The following DHX15 variants were observed in gnomAD, a reference collection of about 807,000 sequenced individuals.
DHX15 encodes the protein ATP-dependent RNA helicase DHX15.
DHX15 carries 11 observed loss-of-function variants against 94.4 expected under a neutral mutation model. The observed-to-expected ratio is 0.12, with a 90% CI of 0.07 to 0.19. The LOEUF (loss-of-function observed/expected upper bound fraction) is 0.19, where lower values mean the gene tolerates loss of function less well. DHX15 is among the 10% of genes least tolerant of loss of function. DHX15 has a pLI of 1.00. For synonymous variants in DHX15, 338 were observed against 329.9 expected (o/e 1.02, Z -0.27); for missense variants, 304 against 988.5 (o/e 0.31, Z 9.29).
At chr4:24,558,080 C>T (rs994680348) in intron 3 of DHX15, among the ~76,000 whole-genome samples, 43 of 151,886 alleles carry the variant, frequency 2.8e-4, no homozygotes, top group Admixed American at 2.0e-3. Flanking sequence ...ATACTCAGTG[C>T]TCATTTCAAC....
chr4:24,561,528 T>C (rs1490758806), intron 3 of DHX15, among the ~76,000 whole-genome samples: 1 of 152,098 alleles, frequency 6.6e-6, no homozygotes, highest in Non-Finnish European at 1.5e-5. Context: ...CTATCCACAA[T>C]AGCAAAGACA....
At chr4:24,546,199 C>G (rs1721421114) in intron 6 of DHX15, among the ~76,000 whole-genome samples, 1 of 152,202 alleles carries the variant, frequency 6.6e-6, no homozygotes, top group South Asian at 2.1e-4. Flanking sequence ...AACATCCCAG[C>G]AGCACCACAG....
intron 11 of DHX15, chr4:24,533,559 G>A (rs770778976): frequency 6.4e-6 from 1 of 157,122 alleles, no homozygotes. Context: ...AGCAAGTCCT[G>A]AAACAGAAGA....
At chr4:24,529,571 A>G in intron 13 of DHX15, 30 bp downstream of exon 13, 2 of 1,606,040 alleles carry the variant, frequency 1.2e-6, no homozygotes, top group African/African-American at 2.7e-5. Flanking sequence ...AGTACTAACA[A>G]AAAACTGTTA....
intron 10 of DHX15, chr4:24,539,874 A>C (rs1056327681): frequency 3.8e-5 from 12 of 316,208 alleles, no homozygotes; most frequent in Admixed American, 2.0e-4. Context: ...AATTTTTATT[A>C]GCACTCAAGA....
At chr4:24,565,163 A>G (rs1721965732) in intron 3 of DHX15, among the ~76,000 whole-genome samples, 1 of 152,234 alleles carries the variant, frequency 6.6e-6, no homozygotes, top group Admixed American at 6.5e-5. Flanking sequence ...GTTCTACTTA[A>G]TATTTTTTAA....
intron 3 of DHX15, among the ~76,000 whole-genome samples, chr4:24,557,506 G>C (rs907741394): frequency 2.0e-5 from 3 of 152,072 alleles, no homozygotes; most frequent in Admixed American, 6.6e-5. Context: ...CAAATTGATA[G>C]TGTACAACAA....
At chr4:24,580,196 C>A (rs1722377913) in intron 1 of DHX15, among the ~76,000 whole-genome samples, 1 of 152,112 alleles carries the variant, frequency 6.6e-6, no homozygotes, top group Non-Finnish European at 1.5e-5. Context: ...TCACCAGAGG[C>A]CAAAAGTTTG....
chr4:24,584,263 C>T, intron 1 of DHX15, 60 bp downstream of exon 1: 5 of 1,539,806 alleles, frequency 3.2e-6, no homozygotes, highest in Non-Finnish European at 4.4e-6. Context: ...CCCCGGCCCG[C>T]TCCCTGCCAG....
chr4:24,566,049 T>C (rs1721985018), intron 3 of DHX15, among the ~76,000 whole-genome samples: 1 of 145,420 alleles, frequency 6.9e-6, no homozygotes, highest in Non-Finnish European at 1.5e-5. Flanking sequence ...ACCATTTTTT[T>C]TTTTTTTTAA....
At chr4:24,575,156 T>TAA (rs796325646) in intron 2 of DHX15, among the ~76,000 whole-genome samples, 1 of 130,550 alleles carries the variant, frequency 7.7e-6, no homozygotes, top group African/African-American at 2.8e-5. Context: ...ACACAAAAAT[T>TAA]AAAAAAAAAA....
At chr4:24,565,611 G>T (rs539832559) in intron 3 of DHX15, among the ~76,000 whole-genome samples, 1 of 152,174 alleles carries the variant, frequency 6.6e-6, no homozygotes, top group South Asian at 2.1e-4. Flanking sequence ...GACAAGTCAC[G>T]TCAAGGTTTA....
chr4:24,583,086 A>C (rs1356976325), intron 1 of DHX15, among the ~76,000 whole-genome samples: 1 of 152,202 alleles, frequency 6.6e-6, no homozygotes, highest in Non-Finnish European at 1.5e-5. Context: ...TAGCTGAAAA[A>C]TTCAAAACAG....
chr4:24,548,510 G>A (rs1361686230), intron 6 of DHX15, among the ~76,000 whole-genome samples: 1 of 152,144 alleles, frequency 6.6e-6, no homozygotes, highest in African/African-American at 2.4e-5. Context: ...CATTACATTT[G>A]GGAAGCCTTA....
At chr4:24,568,762 CT>C (rs1374145436) in intron 3 of DHX15, among the ~76,000 whole-genome samples, 2 of 152,184 alleles carry the variant, frequency 1.3e-5, no homozygotes. Flanking sequence ...AAATCTCCCC[CT>C]TATTATCCTC....
chr4:24,584,215 C>CA lies in DHX15; in HGVS notation c.71+107dup, dbSNP rs543045672. 4.7e-5 allele frequency: 56 copies of CA among 1,193,280 alleles called. No individual in the cohort carries two copies. The African/African-American group carries it at 4.8e-4, about 10-fold the overall frequency. 73.9% of individuals were successfully genotyped at this position (1,193,280 alleles called of 1,614,324 possible). A position where few individuals can be genotyped will look rare whatever the true frequency, so the allele number is the denominator to read the frequency against. The stretch of plus-strand genomic sequence containing the variant: ...CTAGTGAACCCAGCCCAGAGAGAAA[C>CA]AAAGGCTCGGGCTCCAGGACCCGCT... On this transcript the variant is annotated intron_variant, in intron 1 of 13. Transcript: ENST00000336812.
rs141752072 is a variant in DHX15, at chr4:24,570,683, T to C, written c.672A>G (p.Glu224=). The C allele has an allele frequency of 6.2e-4, 998 of 1,614,050 alleles. 1 individual carries two copies. Among genetic ancestry groups the C allele is most frequent in the Non-Finnish European group, 7.8e-4 (915 of 1,180,042 alleles). ...GAATGGTTTTTGCACTACTGCAGTC[T>C]TCAAATCGAATGGAGTAACCAACTT... ...GQEVGYSIRF[E]DCSSAKTILK... Residue 224 remains glutamate, a synonymous_variant, in exon 3 of 14, where the codon GAA becomes GAG. Coordinates refer to ENST00000336812, the MANE Select transcript of DHX15 (RefSeq NM_001358.3).
chr4:24,579,523 C>T (rs967623291), intron 1 of DHX15, among the ~76,000 whole-genome samples: 1 of 152,144 alleles, frequency 6.6e-6, no homozygotes, highest in African/African-American at 2.4e-5. Flanking sequence ...AGCCACACCA[C>T]GAGCAGGGAG....
chr4:24,528,114 C>T (rs937207614), intron 13 of DHX15, 73 bp from the exon 14 acceptor site: 2 of 991,960 alleles, frequency 2.0e-6, no homozygotes, highest in African/African-American at 1.6e-5. Flanking sequence ...ATAGGATAGG[C>T]ATTATTCATT....
Sources: allele counts gnomAD v4.1 joint callset (sites outside exome capture counted in the v4.1 genomes callset), GRCh38; gene constraint gnomAD v4.1.1; transcripts MANE v1.5; gene names NCBI Gene and HGNC (gene_info 2026-07-23, HGNC 2026-07-21).